The following EYS variants were observed in gnomAD, a reference collection of about 807,000 sequenced individuals.
The protein encoded by EYS is protein eyes shut homolog.
EYS carries 250 observed loss-of-function variants against 282.1 expected under a neutral mutation model. That is an observed-to-expected ratio of 0.89 (90% CI 0.80 to 0.98). The LOEUF is 0.98. Among genes scored for constraint, EYS ranks in the 50% least tolerant of loss-of-function variants. The probability of loss-of-function intolerance (pLI) is 0.00; values close to 1 mark genes in which losing one functional copy is unlikely to be tolerated. For synonymous variants in EYS, 1,355 were observed against 1,282.9 expected (o/e 1.06, Z -1.20); for missense variants, 4,016 against 3,709.0 (o/e 1.08, Z -2.15).
intron 19 of EYS, among the ~76,000 whole-genome samples, chr6:64,877,388 A>G (rs1766781223): frequency 6.6e-6 from 1 of 152,204 alleles, no homozygotes; most frequent in South Asian, 2.1e-4. Context: ...TTCATAGAAC[A>G]TATTTGGGAA....
intron 8 of EYS, among the ~76,000 whole-genome samples, chr6:65,375,401 C>G (rs1355171179): frequency 6.6e-6 from 1 of 152,038 alleles, no homozygotes; most frequent in African/African-American, 2.4e-5. Flanking sequence ...CCTCAAAGGT[C>G]AAAGGTAGAT....
chr6:64,647,703 C>T, intron 22 of EYS, among the ~76,000 whole-genome samples: 1 of 151,962 alleles, frequency 6.6e-6, no homozygotes, highest in Non-Finnish European at 1.5e-5. Flanking sequence ...TATTAAAACT[C>T]AGTTAAATAA....
chr6:65,179,530 TA>T (rs1243118545), intron 12 of EYS, among the ~76,000 whole-genome samples: 1 of 152,140 alleles, frequency 6.6e-6, no homozygotes, highest in Admixed American at 6.6e-5. Flanking sequence ...AATCTCTGAA[TA>T]GACTGATAAC....
intron 26 of EYS, among the ~76,000 whole-genome samples, chr6:64,509,385 G>A (rs16895379): frequency 0.024 from 3,622 of 152,082 alleles, 143 homozygotes; most frequent in African/African-American, 0.083. Context: ...AGCTGTCTGT[G>A]GCTACTCACA....
chr6:64,566,375 G>T (rs1333847225), intron 26 of EYS, among the ~76,000 whole-genome samples: 1 of 152,128 alleles, frequency 6.6e-6, no homozygotes, highest in Admixed American at 6.5e-5. Context: ...CAGTGCCTCT[G>T]CTGGTAAAAA....
At chr6:65,338,076 C>A (rs755685237) in intron 10 of EYS, among the ~76,000 whole-genome samples, 7 of 151,116 alleles carry the variant, frequency 4.6e-5, no homozygotes, top group African/African-American at 7.3e-5. Flanking sequence ...GATATGAACA[C>A]CTAAATTATA....
At chr6:64,073,282 T>G (rs1049009485) in intron 32 of EYS, among the ~76,000 whole-genome samples, 5 of 151,848 alleles carry the variant, frequency 3.3e-5, no homozygotes, top group Non-Finnish European at 5.9e-5. Flanking sequence ...AAATAACATA[T>G]GATGGTAGGT....
At chr6:65,574,289 A>T (rs1764581186) in intron 2 of EYS, among the ~76,000 whole-genome samples, 1 of 152,148 alleles carries the variant, frequency 6.6e-6, no homozygotes, top group Admixed American at 6.6e-5. Context: ...CTCCAATCAA[A>T]TTCGGTCCAA....
intron 33 of EYS, among the ~76,000 whole-genome samples, chr6:64,006,228 T>C (rs1768341486): frequency 6.6e-6 from 1 of 152,108 alleles, no homozygotes; most frequent in Admixed American, 6.5e-5. Flanking sequence ...TCTCTGTGGG[T>C]CTTGTGAATA....
chr6:64,690,117 A>C (rs372587460), intron 22 of EYS, among the ~76,000 whole-genome samples: 3 of 151,982 alleles, frequency 2.0e-5, no homozygotes, highest in African/African-American at 7.2e-5. Flanking sequence ...CAAAGAACTC[A>C]AACAAATTTA....
intron 8 of EYS, among the ~76,000 whole-genome samples, chr6:65,376,722 C>G (rs1765380612): frequency 6.6e-6 from 1 of 152,034 alleles, no homozygotes; most frequent in Non-Finnish European, 1.5e-5. Context: ...GGGTTGCAGT[C>G]CTAGTCTCTG....
intron 35 of EYS, among the ~76,000 whole-genome samples, chr6:63,901,313 C>T (rs1317888021): frequency 6.6e-6 from 1 of 152,000 alleles, no homozygotes; most frequent in East Asian, 1.9e-4. Context: ...TGAAGATAGA[C>T]AGAGATTATC....
chr6:64,875,636 A>G (rs752869696), intron 19 of EYS, among the ~76,000 whole-genome samples: 2 of 152,142 alleles, frequency 1.3e-5, no homozygotes, highest in Non-Finnish European at 2.9e-5. Flanking sequence ...ACACTGAACA[A>G]CTAGGAATAA....
chr6:64,064,173 A>G (rs923194159), intron 33 of EYS, among the ~76,000 whole-genome samples: 1 of 152,156 alleles, frequency 6.6e-6, no homozygotes, highest in Non-Finnish European at 1.5e-5. Flanking sequence ...TTATTCCTTT[A>G]TTAGTGTGTC....
In EYS at chr6:64,686,871, GTA is replaced by G. The variant is rs376194212; in HGVS notation, c.3444-60628_3444-60627del. 1.4e-3 allele frequency among the ~76,000 whole-genome samples: 149 copies of G among 105,944 alleles called. 40 individuals are homozygous for G. The highest frequency in any genetic ancestry group is 5.2e-3 in the African/African-American group (143 of 27,710). The allele number at this position is 105,944 out of a possible 152,430, so 69.5% of individuals were successfully genotyped here. A position where few individuals can be genotyped will look rare whatever the true frequency, so the allele number is the denominator to read the frequency against. ...TATATATATGTGTATATATATACGT[GTA>G]TATATATATACACACACATATATAT... On this transcript the variant is annotated intron_variant, in intron 22 of 42. Coordinates refer to ENST00000503581, the MANE Select transcript of EYS (RefSeq NM_001142800.2).
At chr6:65,209,151 T>C (rs1262520333) in intron 12 of EYS, among the ~76,000 whole-genome samples, 3 of 151,796 alleles carry the variant, frequency 2.0e-5, no homozygotes, top group Non-Finnish European at 4.4e-5. Context: ...TCTTTTAATA[T>C]GCAAAATAAT....
intron 22 of EYS, among the ~76,000 whole-genome samples, chr6:64,693,442 A>G (rs1770469766): frequency 6.6e-6 from 1 of 152,290 alleles, no homozygotes; most frequent in Admixed American, 6.5e-5. Flanking sequence ...AAAGGTATGC[A>G]CATAGATTAC....
At position 64,769,135 on chromosome 6, in the gene EYS, C is replaced by T. The variant is rs932539384; in HGVS notation, c.3443+44243G>A. 5.9e-5 allele frequency among the ~76,000 whole-genome samples: 9 copies of T among 152,092 alleles called. No individual in the cohort carries two copies. In the East Asian group the frequency reaches 1.4e-3, roughly 23 times the overall value. On this transcript the variant is annotated intron_variant, in intron 22 of 42. Coordinates refer to ENST00000503581, the MANE Select transcript of EYS (RefSeq NM_001142800.2). ...TCATACTTATATGAAAACTACATGG[C>T]GTAATGGGACAGCAACTAAAGAAGG...
At chr6:65,341,598 G>T (rs1770202006) in intron 10 of EYS, among the ~76,000 whole-genome samples, 4 of 151,152 alleles carry the variant, frequency 2.6e-5, no homozygotes, top group African/African-American at 9.7e-5. Flanking sequence ...TCATTTTCAT[G>T]CTTCTGGGAT....
Sources: gnomAD v4.1 joint callset for allele counts (sites outside exome capture counted in the v4.1 genomes callset) on GRCh38, gnomAD v4.1.1 for gene constraint, MANE v1.5 for transcripts, NCBI Gene and HGNC (gene_info 2026-07-23, HGNC 2026-07-21) for gene names.